Variants in GALNT14 observed in about 807,000 individuals in gnomAD.
The protein encoded by GALNT14 is UDP-GalNAc:polypeptide N-acetylgalactosaminyltransferase 14.
Under a neutral mutation model 77.5 loss-of-function variants are expected in GALNT14, and 60 were observed. The observed-to-expected ratio is 0.77, with a 90% confidence interval of 0.63 to 0.96. GALNT14 has a LOEUF of 0.96. GALNT14 is among the 40% of genes least tolerant of loss of function. The pLI is 0.00. For missense variants in GALNT14, 710 were observed against 731.0 expected (o/e 0.97, Z 0.33); for synonymous variants, 280 against 281.7 (o/e 0.99, Z 0.06).
chr2:31,005,996 C>T (rs1413847230), intron 1 of GALNT14, among the ~76,000 whole-genome samples: 1 of 152,192 alleles, frequency 6.6e-6, no homozygotes, highest in African/African-American at 2.4e-5. Flanking sequence ...GATTAGAAGC[C>T]TGGACCTGCC....
At chr2:30,942,388 A>C in intron 8 of GALNT14, 84 bp from the exon 9 acceptor site, 1 of 966,868 alleles carries the variant, frequency 1.0e-6, no homozygotes, top group Admixed American at 2.0e-5. Context: ...AGTCTGAAAC[A>C]CCCATTTCCC....
At chr2:30,966,442 A>C in intron 2 of GALNT14, 140 bp from the exon 3 acceptor site, 1 of 620,342 alleles carries the variant, frequency 1.6e-6, no homozygotes, top group East Asian at 2.8e-5. Flanking sequence ...GCAGAGTACT[A>C]GGTAAGACCC....
At chr2:31,051,905 A>G (rs1673895812) in intron 1 of GALNT14, among the ~76,000 whole-genome samples, 1 of 152,086 alleles carries the variant, frequency 6.6e-6, no homozygotes, top group Non-Finnish European at 1.5e-5. Flanking sequence ...CTTGGTGGAC[A>G]TTTCCCCCTC....
intron 1 of GALNT14, among the ~76,000 whole-genome samples, chr2:31,028,035 A>G (rs1176957655): frequency 1.3e-5 from 2 of 152,138 alleles, no homozygotes; most frequent in African/African-American, 2.4e-5. Flanking sequence ...TGTATAACGC[A>G]TGCAAGTGTG....
intron 1 of GALNT14, among the ~76,000 whole-genome samples, chr2:31,091,527 G>A (rs1009049032): frequency 2.0e-5 from 3 of 152,198 alleles, no homozygotes; most frequent in African/African-American, 7.2e-5. Context: ...TCTAGAATGA[G>A]TCAAGATTTT....
rs552163995 is a variant in GALNT14, at chr2:31,002,114, G to A, written c.130-9107C>T. Among the ~76,000 whole-genome samples the A allele has an allele frequency of 4.5e-4, 68 of 152,160 alleles. No homozygotes were observed. In the South Asian group the frequency reaches 7.5e-3, roughly 17 times the overall value. On this transcript the variant is annotated intron_variant, in intron 1 of 14. Coordinates refer to ENST00000349752, the MANE Select transcript of GALNT14 (RefSeq NM_024572.4). ...AAAACTGAGGCTCAAAGAAACAAAG[G>A]GGCTTCTTCAAATCATATAAACAGT...
intron 6 of GALNT14, among the ~76,000 whole-genome samples, chr2:30,949,090 T>C (rs77376423): frequency 0.02 from 2,971 of 152,206 alleles, 103 homozygotes; most frequent in African/African-American, 0.069. Flanking sequence ...TGGGTCTAAG[T>C]ATGTATAAAG....
Position 30,972,803 on chromosome 2 carries a change from G to A in GALNT14, c.300-6501C>T, listed in dbSNP as rs145282624. Among the ~76,000 whole-genome samples the A allele has an allele frequency of 6.7e-4, 102 of 152,322 alleles. No individual in the cohort carries two copies. In the East Asian group the frequency reaches 0.016, roughly 24 times the overall value. On this transcript the variant is annotated intron_variant, in intron 2 of 14. Transcript: ENST00000349752. ...ACCAGCAGGTACAGCGACCTGTCCA[G>A]GAGGGAGGGACTGGCTGCTGCTCCT...
the GALNT14 span, among the ~76,000 whole-genome samples, chr2:30,901,002 C>A: frequency 7.2e-5 from 11 of 152,204 alleles, no homozygotes; most frequent in Non-Finnish European, 1.2e-4. Flanking sequence ...TGGGGAAGAC[C>A]AAAATCCAAG....
chr2:31,041,900 T>C (rs765262052), intron 1 of GALNT14, among the ~76,000 whole-genome samples: 3 of 151,804 alleles, frequency 2.0e-5, no homozygotes, highest in Non-Finnish European at 4.4e-5. Context: ...GAGGGGACAA[T>C]GAAGAGGGGA....
chr2:30,910,973 G>A lies in GALNT14; in HGVS notation c.1587C>T (p.Asn529=), dbSNP rs145219116. 34 of 1,614,036 alleles carry A rather than the reference G, an allele frequency of 2.1e-5. No homozygotes were observed. The highest frequency in any genetic ancestry group is 1.3e-4 in the African/African-American group (10 of 74,980). The change falls in exon 15 of 15, where the codon AAC becomes AAT. Residue 529 remains asparagine, a synonymous_variant. Coordinates refer to ENST00000349752, the MANE Select transcript of GALNT14 (RefSeq NM_024572.4). ...DTDMFGDGTE[N]GKEIVVNPCE... is the part of the protein sequence containing the mutation. The stretch of plus-strand genomic sequence containing the variant: ...ATGGGTTGACGACGATTTCCTTGCC[G>A]TTCTCGGTGCCATCACCGAACATAT...
At chr2:31,033,137 C>G (rs1246276531) in intron 1 of GALNT14, among the ~76,000 whole-genome samples, 1 of 152,148 alleles carries the variant, frequency 6.6e-6, no homozygotes, top group Non-Finnish European at 1.5e-5. Context: ...TACTCAGGCT[C>G]AAGTCATTGA....
intron 13 of GALNT14, 46 bp downstream of exon 13, chr2:30,924,073 C>G (rs986635633): frequency 1.5e-5 from 24 of 1,611,162 alleles, no homozygotes; most frequent in Non-Finnish European, 2.0e-5. Flanking sequence ...TGGCTGCCTC[C>G]CTCTACTGTG....
At position 30,932,139 on chromosome 2, in the gene GALNT14, G is replaced by A; in HGVS notation, c.987C>T (p.Ser329=). The A allele has an allele frequency of 6.4e-7, 1 of 1,571,882 alleles. No individual in the cohort carries two copies. The highest frequency in any genetic ancestry group is 8.6e-7 in the Non-Finnish European group (1 of 1,158,708). ...TCTTCCGGAAGACGTGCCCCACTCG[G>A]CTGCAGGGGACGATCTCTAGGCTGC... The part of the protein sequence containing the change: ...CGGSLEIVPC[S]RVGHVFRKKH... The change falls in exon 10 of 15, where the codon AGC becomes AGT. Residue 329 remains serine (S), a synonymous_variant. Transcript: ENST00000349752.
chr2:31,126,199 C>T (rs1678691932), intron 1 of GALNT14, among the ~76,000 whole-genome samples: 1 of 152,186 alleles, frequency 6.6e-6, no homozygotes. Context: ...TTTCATCCAA[C>T]AATTTCTGAT....
Position 31,134,264 on chromosome 2 carries a change from A to G in GALNT14, c.129+3694T>C, listed in dbSNP as rs543315108. On this transcript the variant is annotated intron_variant, in intron 1 of 14. Transcript: ENST00000349752. The stretch of plus-strand genomic sequence containing the variant: ...CACCTTTCCCAACTTCTCTGAATAC[A>G]TTCAAAGGAAGGGAGCCCACTCCTC... Among the ~76,000 whole-genome samples, 3 of 152,286 alleles carry G rather than the reference A, an allele frequency of 2.0e-5. No homozygotes were observed. The East Asian group carries it at 5.8e-4, about 29-fold the overall frequency.
intron 1 of GALNT14, among the ~76,000 whole-genome samples, chr2:31,110,736 T>C (rs559478955): frequency 2.5e-4 from 38 of 152,240 alleles, no homozygotes; most frequent in African/African-American, 8.9e-4. Flanking sequence ...CCATCTGTTC[T>C]AAAACTGGGG....
intron 2 of GALNT14, among the ~76,000 whole-genome samples, chr2:30,984,339 C>T (rs1462431481): frequency 1.3e-5 from 2 of 152,214 alleles, no homozygotes; most frequent in Non-Finnish European, 2.9e-5. Context: ...GGCAGGGGCA[C>T]CACTCCTGCC....
chr2:31,028,805 C>G (rs745998216), intron 1 of GALNT14, among the ~76,000 whole-genome samples: 3 of 152,056 alleles, frequency 2.0e-5, no homozygotes, highest in Middle Eastern at 6.3e-3. Context: ...CCAACTCAGC[C>G]AAGGTGGTAT....
Sources: gnomAD v4.1 joint callset for allele counts (sites outside exome capture counted in the v4.1 genomes callset) on GRCh38, gnomAD v4.1.1 for gene constraint, MANE v1.5 for transcripts, NCBI Gene and HGNC (gene_info 2026-07-23, HGNC 2026-07-21) for gene names.